Variants in GRID2 observed in about 807,000 individuals in gnomAD.
GRID2 encodes glutamate ionotropic receptor delta type subunit 2, also known as glutamate receptor ionotropic, delta-2.
GRID2 carries 33 observed loss-of-function variants against 114.8 expected under a neutral mutation model. The observed-to-expected ratio is 0.29, with a 90% CI of 0.22 to 0.38. GRID2 has a LOEUF of 0.38. Ranked by LOEUF, GRID2 falls within the 10% of genes least tolerant of loss-of-function variation. The pLI, the probability that GRID2 is intolerant of heterozygous loss-of-function variation, is 1.00. For missense variants in GRID2, 1,184 were observed against 1,257.7 expected (o/e 0.94, Z 0.89); for synonymous variants, 505 against 449.9 (o/e 1.12, Z -1.55).
intron 14 of GRID2, among the ~76,000 whole-genome samples, chr4:93,734,194 A>C (rs894860023): frequency 2.0e-5 from 3 of 152,044 alleles, no homozygotes; most frequent in Non-Finnish European, 4.4e-5. Flanking sequence ...TACATATGAA[A>C]ACACCCAGCT....
chr4:92,919,398 T>G (rs1749110044), intron 2 of GRID2, among the ~76,000 whole-genome samples: 1 of 152,250 alleles, frequency 6.6e-6, no homozygotes, highest in African/African-American at 2.4e-5. Context: ...CTGCTAACTT[T>G]TGAATGTGTT....
At chr4:93,747,795 C>T (rs1159361585) in intron 14 of GRID2, among the ~76,000 whole-genome samples, 2 of 151,586 alleles carry the variant, frequency 1.3e-5, no homozygotes, top group African/African-American at 4.8e-5. Context: ...TTTGTTTTCC[C>T]CCCCAGTGGA....
intron 2 of GRID2, among the ~76,000 whole-genome samples, chr4:92,660,535 G>A (rs990739132): frequency 3.3e-5 from 5 of 151,070 alleles, no homozygotes; most frequent in Non-Finnish European, 7.4e-5. Context: ...AGCAAAATTC[G>A]GTAGTGTATT....
intron 2 of GRID2, among the ~76,000 whole-genome samples, chr4:92,805,650 T>A (rs764524641): frequency 6.6e-6 from 1 of 151,910 alleles, no homozygotes; most frequent in African/African-American, 2.4e-5. Flanking sequence ...GGAAGATGAT[T>A]TGCTTGGTGC....
At chr4:93,610,614 A>G (rs1461322886) in intron 13 of GRID2, among the ~76,000 whole-genome samples, 1 of 22,874 alleles carries the variant, frequency 4.4e-5, no homozygotes, top group Non-Finnish European at 8.8e-5. Flanking sequence ...GCTGGATTAC[A>G]TTTATTGATT....
At chr4:92,347,970 G>C (rs987623653) in intron 1 of GRID2, among the ~76,000 whole-genome samples, 8 of 152,156 alleles carry the variant, frequency 5.3e-5, no homozygotes, top group Non-Finnish European at 1.0e-4. Context: ...TAACTGTTTT[G>C]TTGAGACCGA....
At chr4:93,254,770 C>G (rs2149537373) in intron 8 of GRID2, among the ~76,000 whole-genome samples, 1 of 152,158 alleles carries the variant, frequency 6.6e-6, no homozygotes, top group South Asian at 2.1e-4. Context: ...ATTTCTTTCT[C>G]TCATGTAAAG....
chr4:92,798,800 A>G (rs888892033), intron 2 of GRID2, among the ~76,000 whole-genome samples: 1 of 151,942 alleles, frequency 6.6e-6, no homozygotes, highest in African/African-American at 2.4e-5. Flanking sequence ...TACTTTTTTT[A>G]TAATTAGGGT....
rs150070680 is a variant in GRID2, at chr4:92,643,342, C to G, written c.244+53056C>G. On this transcript the variant is annotated intron_variant, in intron 2 of 15. Transcript: ENST00000282020. ...ATACTACTGGAAGTCTTAGCCAGAG[C>G]AATCAGGCAAGAGAAGGAAATAAAG... Among the ~76,000 whole-genome samples, 859 of 151,464 alleles carry G rather than the reference C, an allele frequency of 5.7e-3. 9 individuals are homozygous for G. Among genetic ancestry groups the G allele is most frequent in the African/African-American group, 0.02 (807 of 41,352 alleles).
chr4:92,416,644 C>G (rs1353477124), intron 1 of GRID2, among the ~76,000 whole-genome samples: 4 of 152,108 alleles, frequency 2.6e-5, no homozygotes, highest in Non-Finnish European at 5.9e-5. Context: ...ATCCCAGCAT[C>G]ATTTGTTGAA....
rs559264035 is a variant in GRID2, at chr4:93,068,966, G to C, written c.245-16029G>C. On this transcript the variant is annotated intron_variant, in intron 2 of 15. Coordinates refer to ENST00000282020, the MANE Select transcript of GRID2 (RefSeq NM_001510.4). ...CAGGAAACTTATAATCACTGTGTAA[G>C]GTGAAGGGGGAGCAGGCACATCACA... Among the ~76,000 whole-genome samples the C allele has an allele frequency of 1.6e-4, 25 of 152,026 alleles. No individual in the cohort carries two copies. The South Asian group carries it at 3.9e-3, about 24-fold the overall frequency.
At chr4:93,095,511 C>T (rs189821328) in intron 3 of GRID2, among the ~76,000 whole-genome samples, 72 of 152,062 alleles carry the variant, frequency 4.7e-4, no homozygotes, top group African/African-American at 1.5e-3. Context: ...AAGGAAGAAG[C>T]AAATATGTCT....
At position 93,253,000 on chromosome 4, in the gene GRID2, A is replaced by G. The variant is rs574461849; in HGVS notation, c.1245+14510A>G. Among the ~76,000 whole-genome samples, 8 of 152,212 alleles carry G rather than the reference A, an allele frequency of 5.3e-5. 1 individual carries two copies. The East Asian group carries it at 7.7e-4, about 15-fold the overall frequency. ...CGAAGTGGTTTACGCCTGTAATCCC[A>G]GCACTTTGGGAGGCTGAGGCAGGCA... is the stretch of plus-strand genomic sequence containing the variant. On this transcript the variant is annotated intron_variant, in intron 8 of 15. Transcript: ENST00000282020.
intron 4 of GRID2, among the ~76,000 whole-genome samples, chr4:93,173,447 G>A (rs1739043292): frequency 1.3e-5 from 2 of 151,996 alleles, no homozygotes; most frequent in Non-Finnish European, 2.9e-5. Context: ...AGAGAGGGAG[G>A]GAGGAAGAGA....
rs555159656 is a variant in GRID2 at position 92,887,597 on chromosome 4, C to T, written c.245-197398C>T. On this transcript the variant is annotated intron_variant, in intron 2 of 15. Coordinates refer to ENST00000282020, the MANE Select transcript of GRID2 (RefSeq NM_001510.4). ...CTGCCTCTAATTGCATGATGGTTTT[C>T]ATATCATGGTGTCATCATTAGATAA... 1.1e-4 allele frequency among the ~76,000 whole-genome samples: 16 copies of T among 152,284 alleles called. No individual in the cohort carries two copies. The South Asian group carries it at 3.3e-3, about 32-fold the overall frequency.
At chr4:93,123,074 AAGAACGGGTTTCCAATG>A (rs1328689370) in intron 4 of GRID2, among the ~76,000 whole-genome samples, 2 of 152,036 alleles carry the variant, frequency 1.3e-5, no homozygotes, top group Non-Finnish European at 2.9e-5. Context: ...AAACTAAGCA[AAGAACGGGTTTCCAATG>A]AGTCTAAACT....
intron 11 of GRID2, among the ~76,000 whole-genome samples, chr4:93,457,550 A>T (rs1723319588): frequency 6.6e-6 from 1 of 152,188 alleles, no homozygotes; most frequent in South Asian, 2.1e-4. Context: ...TGGAGAATAG[A>T]TTGAAAAAAG....
intron 2 of GRID2, among the ~76,000 whole-genome samples, chr4:92,764,968 AT>A (rs1358154287): frequency 6.6e-6 from 1 of 152,220 alleles, no homozygotes; most frequent in Non-Finnish European, 1.5e-5. Context: ...TTGCTCATGT[AT>A]GTATAATGAC....
intron 14 of GRID2, among the ~76,000 whole-genome samples, chr4:93,716,163 A>T (rs937194931): frequency 6.6e-6 from 1 of 152,180 alleles, no homozygotes; most frequent in Admixed American, 6.6e-5. Flanking sequence ...GTACTTGGGT[A>T]TATAAGAGTA....
Sources: gnomAD v4.1 joint callset for allele counts (sites outside exome capture counted in the v4.1 genomes callset) on GRCh38, gnomAD v4.1.1 for gene constraint, MANE v1.5 for transcripts, NCBI Gene and HGNC (gene_info 2026-07-23, HGNC 2026-07-21) for gene names.